The following PPARG variants were observed in gnomAD, a reference collection of about 807,000 sequenced individuals.
PPARG encodes peroxisome proliferator activated receptor gamma.
PPARG carries 17 observed loss-of-function variants against 39.2 expected under a neutral mutation model. That is an observed-to-expected ratio of 0.43 (90% CI 0.30 to 0.65). The LOEUF (loss-of-function observed/expected upper bound fraction) is 0.65, where lower values mean the gene tolerates loss of function less well. Ranked by LOEUF, PPARG falls within the 30% of genes least tolerant of loss-of-function variation. The pLI, the probability that PPARG is intolerant of heterozygous loss-of-function variation, is 0.13. For missense variants in PPARG, 406 were observed against 585.9 expected (o/e 0.69, Z 3.17); for synonymous variants, 223 against 215.7 (o/e 1.03, Z -0.30).
intron 1 of PPARG, among the ~76,000 whole-genome samples, chr3:12,297,092 C>T (rs576379977): frequency 1.2e-4 from 18 of 152,166 alleles, no homozygotes; most frequent in South Asian, 4.1e-4. Flanking sequence ...GCCGTATACA[C>T]GAAGAGTTTC....
intron 1 of PPARG, among the ~76,000 whole-genome samples, chr3:12,295,804 C>T (rs1159285616): frequency 6.6e-6 from 1 of 151,962 alleles, no homozygotes; most frequent in Non-Finnish European, 1.5e-5. Flanking sequence ...TGTGAGCCAC[C>T]GTGCCTGGCA....
At chr3:12,302,122 T>G (rs888706539) in intron 1 of PPARG, among the ~76,000 whole-genome samples, 2 of 152,174 alleles carry the variant, frequency 1.3e-5, no homozygotes, top group African/African-American at 2.4e-5. Context: ...CAGAGAAGGC[T>G]AAGATCAGTG....
intron 2 of PPARG, chr3:12,351,758 G>T: frequency 9.2e-7 from 1 of 1,089,422 alleles, no homozygotes; most frequent in South Asian, 1.3e-5. Flanking sequence ...TGTCTTCCAG[G>T]TTGTGTTTGT....
At position 12,388,706 on chromosome 3, in the gene PPARG, C is replaced by T. The variant is rs4135328; in HGVS notation, c.391-3908C>T. On this transcript the variant is annotated intron_variant, in intron 4 of 7. Transcript: ENST00000651735. ...ACTGATACAGACTCCCTGCTCTTCC[C>T]CTACCTGGGGAAAGCAGAAATTGGG... Among the ~76,000 whole-genome samples the T allele has an allele frequency of 5.7e-3, 870 of 152,212 alleles. 11 individuals are homozygous for T. The highest frequency in any genetic ancestry group is 0.019 in the African/African-American group (809 of 41,534).
chr3:12,408,770 A>G (rs1483674537), intron 6 of PPARG, among the ~76,000 whole-genome samples: 1 of 151,288 alleles, frequency 6.6e-6, no homozygotes, highest in Non-Finnish European at 1.5e-5. Flanking sequence ...TCATCCTCTA[A>G]TTCATACCTG....
chr3:12,357,451 G>T (rs1474553953), intron 2 of PPARG, among the ~76,000 whole-genome samples: 1 of 152,056 alleles, frequency 6.6e-6, no homozygotes, highest in Non-Finnish European at 1.5e-5. Flanking sequence ...TATAATCTTG[G>T]CTCAAATCTT....
intron 2 of PPARG, among the ~76,000 whole-genome samples, chr3:12,346,747 G>A (rs1230144139): frequency 2.7e-4 from 41 of 151,844 alleles, no homozygotes; most frequent in Non-Finnish European, 4.4e-5. Flanking sequence ...CATCCCTCCT[G>A]CCTCAGCCTC....
intron 1 of PPARG, among the ~76,000 whole-genome samples, chr3:12,296,632 T>C (rs183305723): frequency 2.0e-5 from 3 of 152,334 alleles, no homozygotes; most frequent in Non-Finnish European, 4.4e-5. Flanking sequence ...CATTTATTAC[T>C]TAGAAAAGCT....
At chr3:12,391,589 G>A (rs994797800) in intron 4 of PPARG, among the ~76,000 whole-genome samples, 2 of 152,164 alleles carry the variant, frequency 1.3e-5, no homozygotes, top group Non-Finnish European at 2.9e-5. Flanking sequence ...GGAGAAAGCC[G>A]CAAGTGAAGT....
In PPARG at chr3:12,392,824, A is replaced by G. The variant is rs907945963; in HGVS notation, c.529+72A>G. The G allele has an allele frequency of 8.3e-6, 13 of 1,567,146 alleles. No homozygotes were observed. The Admixed American group carries it at 1.2e-4, about 14-fold the overall frequency. On this transcript the variant is annotated intron_variant, in intron 5 of 7. Transcript: ENST00000651735. ...TGCCAGACCAGTGGACACTAAAGCC[A>G]TTGCCAAAAATGTGTACAGTTTTTC...
At chr3:12,419,619 C>T (rs1449181804) in intron 7 of PPARG, among the ~76,000 whole-genome samples, 3 of 151,878 alleles carry the variant, frequency 2.0e-5, no homozygotes, top group African/African-American at 7.3e-5. Context: ...CAGGAATGTA[C>T]CACTACACCC....
At chr3:12,374,288 T>A (rs1395678180) in intron 2 of PPARG, among the ~76,000 whole-genome samples, 1 of 152,114 alleles carries the variant, frequency 6.6e-6, no homozygotes, top group Non-Finnish European at 1.5e-5. Flanking sequence ...ATGCATGATA[T>A]TATGTCTTTG....
At chr3:12,385,083 T>G (rs1052775264) in intron 4 of PPARG, among the ~76,000 whole-genome samples, 1 of 152,156 alleles carries the variant, frequency 6.6e-6, no homozygotes, top group Non-Finnish European at 1.5e-5. Context: ...TAAAGACATC[T>G]CCTTAGCTTA....
At chr3:12,372,471 C>T (rs2049253442) in intron 2 of PPARG, among the ~76,000 whole-genome samples, 1 of 152,104 alleles carries the variant, frequency 6.6e-6, no homozygotes, top group Non-Finnish European at 1.5e-5. Context: ...CACCTACTTC[C>T]TCGGGCTGGT....
At chr3:12,376,646 T>C (rs1302149233) in intron 2 of PPARG, among the ~76,000 whole-genome samples, 1 of 152,160 alleles carries the variant, frequency 6.6e-6, no homozygotes, top group African/African-American at 2.4e-5. Context: ...AAAGTGGGAA[T>C]AATATTTCAG....
intron 5 of PPARG, among the ~76,000 whole-genome samples, chr3:12,404,192 A>T (rs1389818906): frequency 6.6e-6 from 1 of 152,194 alleles, no homozygotes; most frequent in Non-Finnish European, 1.5e-5. Context: ...TGTACCAAGG[A>T]TATATTCACT....
At chr3:12,325,362 AG>A (rs1375680500) in intron 2 of PPARG, among the ~76,000 whole-genome samples, 2 of 152,242 alleles carry the variant, frequency 1.3e-5, no homozygotes, top group African/African-American at 4.8e-5. Context: ...CGGAGGTTGC[AG>A]TGAGCCAAGA....
chr3:12,393,982 A>C, intron 5 of PPARG, among the ~76,000 whole-genome samples: 1 of 152,190 alleles, frequency 6.6e-6, no homozygotes, highest in South Asian at 2.1e-4. Flanking sequence ...ATTTGGTCCA[A>C]CTTTCCTCAA....
rs551606326 is a variant in PPARG at position 12,364,964 on chromosome 3, T to A, written c.-8-14740T>A. On this transcript the variant is annotated intron_variant, in intron 2 of 7. Coordinates refer to ENST00000651735, the MANE Select transcript of PPARG (RefSeq NM_138711.6). ...TCCTTTATCACAGTAGTCCCTGACC[T>A]TTTTGGCACCAGGGACCAGTTTCAT... Among the ~76,000 whole-genome samples, 22 of 152,320 alleles carry A rather than the reference T, an allele frequency of 1.4e-4. 1 individual carries two copies. The highest frequency in any genetic ancestry group is 5.3e-4 in the African/African-American group (22 of 41,558).
Sources: allele counts gnomAD v4.1 joint callset (sites outside exome capture counted in the v4.1 genomes callset), GRCh38; gene constraint gnomAD v4.1.1; transcripts MANE v1.5; gene names NCBI Gene and HGNC (gene_info 2026-07-23, HGNC 2026-07-21).